The following LZTFL1 variants were observed in gnomAD, a reference collection of about 807,000 sequenced individuals.
LZTFL1 encodes the protein leucine zipper transcription factor-like protein 1.
In LZTFL1, 25 loss-of-function variants were observed where a neutral mutation model predicts 45.9. The ratio of observed to expected loss-of-function variants is 0.54; its 90% CI spans 0.40 to 0.76. The LOEUF (loss-of-function observed/expected upper bound fraction) is 0.76, where lower values mean the gene tolerates loss of function less well. Among genes scored for constraint, LZTFL1 ranks in the 30% least tolerant of loss-of-function variants. LZTFL1 has a pLI of 0.00. For synonymous variants in LZTFL1, 93 were observed against 117.4 expected (o/e 0.79, Z 1.35); for missense variants, 277 against 331.1 (o/e 0.84, Z 1.27).
intron 2 of LZTFL1, among the ~76,000 whole-genome samples, chr3:45,861,423 C>T (rs1434758701): frequency 3.9e-5 from 6 of 152,064 alleles, no homozygotes; most frequent in Non-Finnish European, 8.8e-5. Context: ...CCAAATATAC[C>T]TGCCTTATTC....
At chr3:45,838,324 T>C (rs569436513) in intron 1 of LZTFL1, among the ~76,000 whole-genome samples, 2 of 152,294 alleles carry the variant, frequency 1.3e-5, no homozygotes, top group South Asian at 4.1e-4. Context: ...TGCCCCTCCC[T>C]GTTTCTCTGA....
Position 45,901,444 on chromosome 3 carries a change from T to C in LZTFL1, c.-215+11676A>G, listed in dbSNP as rs1702554420. On this transcript the variant is annotated intron_variant, in intron 2 of 4. Coordinates refer to the LZTFL1 transcript ENST00000472635. The surrounding 1 kb of genome is among the most constrained non-coding windows in gnomAD (Gnocchi z 4.3). ...AAGTCAGCTGTCTTGACCCTGAAGG[T>C]CATTCTGGGGTTCTTCCTTCCCTTC... 6.2e-7 allele frequency: 1 copy of C among 1,614,022 alleles called. No homozygotes were observed. Among genetic ancestry groups the C allele is most frequent in the Non-Finnish European group, 8.5e-7 (1 of 1,180,014 alleles).
At chr3:45,912,211 T>C (rs974288840) in intron 2 of LZTFL1, among the ~76,000 whole-genome samples, 2 of 152,238 alleles carry the variant, frequency 1.3e-5, no homozygotes, top group African/African-American at 4.8e-5. Context: ...TGTTTTTGCG[T>C]ACTTGTATGA....
At chr3:45,884,351 C>T (rs1041202461) in intron 2 of LZTFL1, among the ~76,000 whole-genome samples, 5 of 152,126 alleles carry the variant, frequency 3.3e-5, no homozygotes, top group African/African-American at 1.2e-4. Flanking sequence ...GCACAAGCTC[C>T]TTTGAGAAAG....
In LZTFL1 at chr3:45,900,765, C is replaced by T. The variant is rs757034659; in HGVS notation, c.-215+12355G>A. 4 of 1,565,264 alleles carry T rather than the reference C, an allele frequency of 2.6e-6. No individual in the cohort carries two copies. Among genetic ancestry groups the T allele is most frequent in the Non-Finnish European group, 3.5e-6 (4 of 1,155,204 alleles). ...TGCCTCTGCCATCAGACAGGACCTT[C>T]AAAATATTTTCCTTGACCTAATGCC... is the stretch of plus-strand genomic sequence containing the variant. On this transcript the variant is annotated intron_variant, in intron 2 of 4. Transcript: ENST00000472635. The surrounding 1 kb of genome is among the most constrained non-coding windows in gnomAD (Gnocchi z 4.7).
chr3:45,897,690 C>A, intron 2 of LZTFL1: 1 of 1,281,964 alleles, frequency 7.8e-7, no homozygotes, highest in Non-Finnish European at 1.1e-6. Context: ...CTCATTTGTT[C>A]CCCAGGAACC....
chr3:45,891,946 A>T (rs562489041), intron 2 of LZTFL1, among the ~76,000 whole-genome samples: 1 of 152,168 alleles, frequency 6.6e-6, no homozygotes, highest in Non-Finnish European at 1.5e-5. Context: ...TTTAGGACAA[A>T]TGTGACACTG....
intron 2 of LZTFL1, among the ~76,000 whole-genome samples, chr3:45,878,942 A>G (rs998295135): frequency 6.6e-6 from 1 of 152,214 alleles, no homozygotes; most frequent in Non-Finnish European, 1.5e-5. Context: ...TCGACATCAT[A>G]GGTCATTAGG....
At chr3:45,838,404 G>A (rs45558831) in intron 1 of LZTFL1, among the ~76,000 whole-genome samples, 10,497 of 152,182 alleles carry the variant, frequency 0.069, 438 homozygotes, top group Non-Finnish European at 0.083. Context: ...TGGGGGAGCC[G>A]CAAGATGAAA....
intron 4 of LZTFL1, among the ~76,000 whole-genome samples, chr3:45,851,840 A>AT (rs35655700): frequency 0.72 from 106,556 of 148,836 alleles, 38,182 homozygotes; most frequent in South Asian, 0.91. Context: ...CCTGTCTCTC[A>AT]TTTTTTTTTT....
At chr3:45,859,813 T>C (rs866364998) in intron 2 of LZTFL1, among the ~76,000 whole-genome samples, 8 of 152,166 alleles carry the variant, frequency 5.3e-5, no homozygotes, top group Middle Eastern at 3.4e-3. Flanking sequence ...ATTTTTATAT[T>C]TTTAGTAGAG....
rs1170047031 is a variant in LZTFL1, at chr3:45,901,696, A to G, written c.-215+11424T>C. 2 of 1,614,148 alleles carry G rather than the reference A, an allele frequency of 1.2e-6. No homozygotes were observed. Among genetic ancestry groups the G allele is most frequent in the Admixed American group, 3.3e-5 (2 of 60,032 alleles). ...ATTGACATCTGCTTCCAGGTCACCC[A>G]GACCATCGCCTTCTTCCACAGTTGC... On this transcript the variant is annotated intron_variant, in intron 2 of 4. Coordinates refer to the LZTFL1 transcript ENST00000472635. The surrounding 1 kb of genome is among the most constrained non-coding windows in gnomAD (Gnocchi z 4.3).
At chr3:45,897,330 C>A (rs932939563) in intron 2 of LZTFL1, among the ~76,000 whole-genome samples, 5 of 152,066 alleles carry the variant, frequency 3.3e-5, no homozygotes, top group African/African-American at 9.7e-5. Context: ...AAAAAATATG[C>A]CTGGGGAGTC....
chr3:45,888,192 C>T (rs1165999929), intron 2 of LZTFL1, among the ~76,000 whole-genome samples: 2 of 152,172 alleles, frequency 1.3e-5, no homozygotes, highest in African/African-American at 4.8e-5. Context: ...CTCCCAGGTC[C>T]CTGCACATAC....
intron 1 of LZTFL1, among the ~76,000 whole-genome samples, chr3:45,841,173 G>A (rs1701101205): frequency 1.3e-5 from 2 of 152,222 alleles, no homozygotes; most frequent in Non-Finnish European, 2.9e-5. Context: ...GCTCACAGGT[G>A]TCTTCTCAGC....
At chr3:45,862,958 T>G (rs1338920422) in intron 2 of LZTFL1, among the ~76,000 whole-genome samples, 1 of 152,228 alleles carries the variant, frequency 6.6e-6, no homozygotes, top group Non-Finnish European at 1.5e-5. Flanking sequence ...TTGGAGCTAC[T>G]CTTGTTTTGA....
At chr3:45,912,641 G>T (rs1309072610) in intron 2 of LZTFL1, among the ~76,000 whole-genome samples, 1 of 152,184 alleles carries the variant, frequency 6.6e-6, no homozygotes, top group Non-Finnish European at 1.5e-5. Context: ...AGCCTAGCCA[G>T]CCTTTCTTTG....
upstream of LZTFL1, among the ~76,000 whole-genome samples, chr3:45,844,432 GA>G (rs954779604): frequency 6.6e-6 from 1 of 151,648 alleles, no homozygotes; most frequent in Non-Finnish European, 1.5e-5. Flanking sequence ...GTAGAAAGAG[GA>G]AATGAAGAAA....
At position 45,899,315 on chromosome 3, in the gene LZTFL1, G is replaced by A. The variant is rs561254987; in HGVS notation, c.-215+13805C>T. 4.6e-5 allele frequency among the ~76,000 whole-genome samples: 7 copies of A among 152,332 alleles called. No individual in the cohort carries two copies. In the South Asian group the frequency reaches 1.4e-3, roughly 32 times the overall value. ...GTGTTCCACCTAAAACATGGTTTGG[G>A]AAATGCTAGACAGATCTACTAGAAA... On this transcript the variant is annotated intron_variant, in intron 2 of 4. Transcript: ENST00000472635.
Sources: gnomAD v4.1 joint callset for allele counts (sites outside exome capture counted in the v4.1 genomes callset) on GRCh38, gnomAD v4.1.1 for gene constraint, Gnocchi (gnomAD v3.1) non-coding constraint, MANE v1.5 for transcripts, NCBI Gene and HGNC (gene_info 2026-07-23, HGNC 2026-07-21) for gene names.